PTPN11: variants seen among roughly 807,000 people sequenced by gnomAD.
PTPN11 encodes protein tyrosine phosphatase non-receptor type 11.
Under a neutral mutation model 78.8 loss-of-function variants are expected in PTPN11, and 6 were observed. The observed-to-expected ratio is 0.08, with a 90% CI of 0.04 to 0.15. PTPN11 has a LOEUF of 0.15. Among genes scored for constraint, PTPN11 ranks in the 10% least tolerant of loss-of-function variants. PTPN11 has a pLI of 1.00. For missense variants in PTPN11, 386 were observed against 744.8 expected, an observed-to-expected ratio of 0.52 and a Z score of 5.61; for synonymous variants, 221 against 263.5, an observed-to-expected ratio of 0.84 and a Z score of 1.56.
Position 112,504,164 on chromosome 12 carries a change from C to T in PTPN11, c.1713-531C>T, listed in dbSNP as rs761170169. ...AAAACAACCTGCTTTCTGCCAGACC[C>T]CAGGGAGCACCAGGACTTGAGGCTT... On this transcript the variant is annotated intron_variant, in intron 14 of 15. Transcript: ENST00000351677. This position sits in a 1 kb window ranked among gnomAD's most constrained non-coding sequence, Gnocchi z 4.7. Among the ~76,000 whole-genome samples, 11 of 152,122 alleles carry T rather than the reference C, an allele frequency of 7.2e-5. No homozygotes were observed. Among genetic ancestry groups the T allele is most frequent in the Non-Finnish European group, 1.2e-4 (8 of 68,024 alleles).
chr12:112,422,946 C>T (rs980137859), intron 1 of PTPN11, among the ~76,000 whole-genome samples: 15 of 152,164 alleles, frequency 9.9e-5, no homozygotes, highest in Admixed American at 9.2e-4. Context: ...ATTCCCCTTC[C>T]CTCTGGGAAA....
At chr12:112,481,956 C>A in intron 9 of PTPN11, 118 bp from the exon 10 acceptor site, 1 of 1,114,590 alleles carries the variant, frequency 9.0e-7, no homozygotes. Context: ...AGATGCGAAA[C>A]AGGCCATTTT....
At chr12:112,443,504 CTGCGCCACCT>C (rs891700485) in intron 1 of PTPN11, among the ~76,000 whole-genome samples, 22 of 151,400 alleles carry the variant, frequency 1.5e-4, no homozygotes, top group African/African-American at 5.3e-4. Context: ...GATTGCAGGC[CTGCGCCACCT>C]TGCCCAGCTA....
At chr12:112,484,293 A>G (rs546842769) in intron 10 of PTPN11, among the ~76,000 whole-genome samples, 12 of 152,374 alleles carry the variant, frequency 7.9e-5, no homozygotes, top group African/African-American at 2.9e-4. Flanking sequence ...GGCGGTGAAC[A>G]TGAAAATATA....
At chr12:112,469,812 G>A (rs988247501) in intron 6 of PTPN11, among the ~76,000 whole-genome samples, 11 of 152,202 alleles carry the variant, frequency 7.2e-5, no homozygotes, top group African/African-American at 2.4e-4. Flanking sequence ...ACTGGGCCTG[G>A]CTGAGGCAGT....
intron 2 of PTPN11, among the ~76,000 whole-genome samples, chr12:112,448,720 C>T (rs2038030570): frequency 6.6e-6 from 1 of 151,946 alleles, no homozygotes; most frequent in South Asian, 2.1e-4. Flanking sequence ...ATACTGTCAC[C>T]AGCAGGTAGC....
Position 112,506,779 on chromosome 12 carries a change from C to A in PTPN11, c.*987C>A, listed in dbSNP as rs1426982638. 6.5e-6 allele frequency: 1 copy of A among 154,218 alleles called. No individual in the cohort carries two copies. The highest frequency in any genetic ancestry group is 2.4e-5 in the African/African-American group (1 of 41,476). The allele number at this position is 154,218 out of a possible 1,614,324, so 9.6% of individuals were successfully genotyped here. On this transcript the variant is annotated 3_prime_UTR_variant, in exon 16 of 16. Transcript: ENST00000351677. The stretch of plus-strand genomic sequence containing the variant: ...CTGGGCTTCTCTCTCTGCCTGCAGT[C>A]CTGAGTCTCTCCTTCTTCGTGTAGT...
intron 9 of PTPN11, among the ~76,000 whole-genome samples, chr12:112,478,888 A>C (rs1414108598): frequency 6.6e-6 from 1 of 152,140 alleles, no homozygotes; most frequent in African/African-American, 2.4e-5. Flanking sequence ...GCGTGCCACC[A>C]CGCCTGGCTA....
chr12:112,495,364 T>G (rs1214273837), intron 13 of PTPN11, among the ~76,000 whole-genome samples: 1 of 152,238 alleles, frequency 6.6e-6, no homozygotes, highest in African/African-American at 2.4e-5. Flanking sequence ...TTTCATGTAC[T>G]CTTGACGATT....
chr12:112,462,405 G>A (rs553862304), intron 6 of PTPN11, among the ~76,000 whole-genome samples: 1 of 151,516 alleles, frequency 6.6e-6, no homozygotes, highest in East Asian at 1.9e-4. Flanking sequence ...ATTTGTAATC[G>A]TCCTTCTCTC....
rs1566162752 is a variant in PTPN11, at chr12:112,442,864, ATATATATATATAT to A, written c.15-3411_15-3399del. Among the ~76,000 whole-genome samples the A allele has an allele frequency of 3.4e-4, 28 of 81,508 alleles. No homozygotes were observed. In the East Asian group the frequency reaches 0.012, roughly 34 times the overall value. 53.5% of individuals were successfully genotyped at this position (81,508 alleles called of 152,430 possible). A position where few individuals can be genotyped will look rare whatever the true frequency, so the allele number is the denominator to read the frequency against. Reference sequence around the variant, plus strand: ...TATATATATATATATATATATATATATATATATATATATAAATTATATATACACTACACATATA... The same window carrying A: ...TATATATATATATATATATATATATAAAATTATATATACACTACACATATA... On this transcript the variant is annotated intron_variant, in intron 1 of 15. Transcript: ENST00000351677.
chr12:112,421,173 A>T (rs368480913), intron 1 of PTPN11, among the ~76,000 whole-genome samples: 1 of 152,226 alleles, frequency 6.6e-6, no homozygotes, highest in South Asian at 2.1e-4. Flanking sequence ...TTATGAACAT[A>T]ATACACATAA....
chr12:112,432,540 G>A (rs1327811365), intron 1 of PTPN11, among the ~76,000 whole-genome samples: 1 of 151,928 alleles, frequency 6.6e-6, no homozygotes, highest in Non-Finnish European at 1.5e-5. Context: ...ATGGTGGCGG[G>A]TGCCTGTAAT....
chr12:112,473,082 AT>A (rs1335343950), intron 7 of PTPN11, 42 bp downstream of exon 7: 2 of 1,479,226 alleles, frequency 1.4e-6, no homozygotes, highest in African/African-American at 1.4e-5. Flanking sequence ...ACTCTTGGAG[AT>A]TTTGATTCCT....
intron 2 of PTPN11, among the ~76,000 whole-genome samples, chr12:112,448,271 T>C (rs900235138): frequency 2.6e-5 from 4 of 151,596 alleles, no homozygotes; most frequent in Non-Finnish European, 5.9e-5. Flanking sequence ...AGTGCAGTGG[T>C]GTGATCTTGG....
In PTPN11 at chr12:112,477,719, A is replaced by G. The variant is rs28933386; in HGVS notation, c.922A>G (p.Asn308Asp). 12 of 1,612,192 alleles carry G rather than the reference A, an allele frequency of 7.4e-6. No individual in the cohort carries two copies. The highest frequency in any genetic ancestry group is 4.2e-6 in the Non-Finnish European group (5 of 1,178,366). Residue 308 changes from asparagine (N) to aspartate (D), a missense_variant, in exon 8 of 16, where the codon AAT (asparagine) becomes GAT (aspartate). Physicochemically the swap from Asn to Asp is conservative, Grantham distance 23 (BLOSUM62 1). Around this residue, in one of 3 missense-constraint regions of PTPN11, gnomAD observed 279 missense variants for 503.3 expected, o/e 0.55. Transcript: ENST00000351677. ...NEPVSDYINA[N>D]IIMPEFETKC... ...GCCTGTTTCAGATTACATCAATGCAAATATCATCATGGTAAGCTTTGCTTT... is the reference window on the plus strand; with the variant it reads ...GCCTGTTTCAGATTACATCAATGCAGATATCATCATGGTAAGCTTTGCTTT...
At chr12:112,448,146 A>G (rs890252515) in intron 2 of PTPN11, among the ~76,000 whole-genome samples, 4 of 151,096 alleles carry the variant, frequency 2.6e-5, no homozygotes, top group Non-Finnish European at 5.9e-5. Flanking sequence ...CACTATCTCC[A>G]TTCTGTAGGT....
intron 1 of PTPN11, among the ~76,000 whole-genome samples, chr12:112,425,259 G>C (rs2037599758): frequency 6.6e-6 from 1 of 152,060 alleles, no homozygotes; most frequent in African/African-American, 2.4e-5. Context: ...GGGGGGGCTA[G>C]TTAAATGAAA....
intron 13 of PTPN11, among the ~76,000 whole-genome samples, chr12:112,493,344 C>T (rs2038776519): frequency 6.6e-6 from 1 of 151,694 alleles, no homozygotes; most frequent in Non-Finnish European, 1.5e-5. Flanking sequence ...CAGGCGTGAG[C>T]CACTGTGCCC....
Sources: allele counts gnomAD v4.1 joint callset (sites outside exome capture counted in the v4.1 genomes callset), GRCh38; gene constraint gnomAD v4.1.1; regional missense constraint gnomAD v4.1.1; non-coding constraint Gnocchi (gnomAD v3.1); transcripts MANE v1.5; gene names NCBI Gene and HGNC (gene_info 2026-07-23, HGNC 2026-07-21).